The following ALX4 variants were observed in gnomAD, a reference collection of about 807,000 sequenced individuals.
ALX4 encodes homeobox protein aristaless-like 4.
ALX4 carries 22 observed loss-of-function variants against 40.6 expected under a neutral mutation model. That is an observed-to-expected ratio of 0.54 (90% confidence interval 0.39 to 0.77). The LOEUF (loss-of-function observed/expected upper bound fraction) is 0.77. Ranked by LOEUF, ALX4 falls within the 30% of genes least tolerant of loss-of-function variation. The pLI, the probability that ALX4 is intolerant of heterozygous loss-of-function variation, is 0.00. For synonymous variants in ALX4, 266 were observed against 240.5 expected (o/e 1.11, Z -0.98); for missense variants, 556 against 564.8 (o/e 0.98, Z 0.16).
chr11:44,298,419 G>A (rs1181519344), intron 1 of ALX4, among the ~76,000 whole-genome samples: 1 of 152,224 alleles, frequency 6.6e-6, no homozygotes, highest in African/African-American at 2.4e-5. Flanking sequence ...TCCCTTGCAG[G>A]TGAGTCTCAG....
chr11:44,264,045 C>T lies in ALX4; in HGVS notation c.*809G>A, dbSNP rs1395899572. ...GCCTCCCCCTCTCCCAGGACCTTTC[C>T]TTCTTCTAGCACCATGGGAGCCCTT... On this transcript the variant is annotated 3_prime_UTR_variant, in exon 4 of 4. Transcript: ENST00000652299. 8.2e-6 allele frequency: 1 copy of T among 122,388 alleles called. No homozygotes were observed. Among genetic ancestry groups the T allele is most frequent in the African/African-American group, 3.3e-5 (1 of 30,146 alleles). The allele number at this position is 122,388 out of a possible 1,614,324, so 7.6% of individuals were successfully genotyped here.
At chr11:44,307,906 G>A (rs990782541) in intron 1 of ALX4, among the ~76,000 whole-genome samples, 7 of 151,920 alleles carry the variant, frequency 4.6e-5, no homozygotes, top group African/African-American at 1.7e-4. Context: ...GTGTGGAGCT[G>A]TGGGTGTCTG....
chr11:44,273,530 G>A (rs1176649128), intron 2 of ALX4, among the ~76,000 whole-genome samples: 2 of 152,152 alleles, frequency 1.3e-5, no homozygotes, highest in African/African-American at 2.4e-5. Context: ...GATGCTCTGC[G>A]TTTGGCTTTC....
In ALX4 at chr11:44,310,114, C is replaced by G. The variant is rs1417903427; in HGVS notation, c.-52G>C. 6.6e-7 allele frequency: 1 copy of G among 1,524,594 alleles called. No homozygotes were observed. The highest frequency in any genetic ancestry group is 8.8e-7 in the Non-Finnish European group (1 of 1,133,076). The allele number at this position is 1,524,594 out of a possible 1,614,324, so 94.4% of individuals were successfully genotyped here. ...GGACGCGAGCGAGGGCGCGAGGACG[C>G]CACCGCGCGCCTTGGCTGGGAGTTT... On this transcript the variant is annotated 5_prime_UTR_variant, in exon 1 of 4. Coordinates refer to ENST00000652299, the MANE Select transcript of ALX4 (RefSeq NM_021926.4).
rs745862299 is a variant in ALX4 at position 44,275,524 on chromosome 11, G to A, written c.601C>T (p.Pro201Ser). 1 of 1,614,170 alleles carries A rather than the reference G, an allele frequency of 6.2e-7. No individual in the cohort carries two copies. Among genetic ancestry groups the A allele is most frequent in the South Asian group, 1.1e-5 (1 of 91,090 alleles). The change falls in exon 2 of 4, where the codon CCA becomes TCA. Residue 201 changes from proline (P) to serine (S), a missense_variant. Pro to Ser is a moderately conservative substitution (Grantham distance 74, BLOSUM62 -1). Transcript: ENST00000652299. Reference sequence around the variant, plus strand: ...CTCTCTGAGTCGGCCTTCTCCAATGGGCTGGGGAGGTCTGAGCTGGCCCGG... The same window carrying A: ...CTCTCTGAGTCGGCCTTCTCCAATGAGCTGGGGAGGTCTGAGCTGGCCCGG... ...QDRASSDLPS[P>S]LEKADSESNK...
At chr11:44,280,130 A>T (rs563105710) in intron 1 of ALX4, among the ~76,000 whole-genome samples, 3 of 152,328 alleles carry the variant, frequency 2.0e-5, no homozygotes, top group African/African-American at 7.2e-5. Flanking sequence ...GAATGCCACC[A>T]TTCAAGGCTG....
intron 1 of ALX4, among the ~76,000 whole-genome samples, chr11:44,281,353 T>C (rs963497844): frequency 6.6e-6 from 1 of 152,010 alleles, no homozygotes; most frequent in Non-Finnish European, 1.5e-5. Flanking sequence ...CCGTGGGCAG[T>C]TGTGTGTGGG....
intron 1 of ALX4, among the ~76,000 whole-genome samples, chr11:44,288,242 A>G (rs148568537): frequency 6.6e-6 from 1 of 152,276 alleles, no homozygotes; most frequent in East Asian, 1.9e-4. Context: ...ATATCAATAC[A>G]TACATAAACA....
chr11:44,292,576 A>G (rs1956376509), intron 1 of ALX4, among the ~76,000 whole-genome samples: 1 of 152,088 alleles, frequency 6.6e-6, no homozygotes, highest in South Asian at 2.1e-4. Flanking sequence ...AATGGGAAAG[A>G]TTCTTCAATA....
rs192229597 is a variant in ALX4 at position 44,299,320 on chromosome 11, T to A, written c.466+10277A>T. 1.9e-3 allele frequency among the ~76,000 whole-genome samples: 282 copies of A among 151,710 alleles called. 2 individuals are homozygous for A. Among genetic ancestry groups the A allele is most frequent in the Middle Eastern group, 6.8e-3 (2 of 292 alleles). ...CACTACTTGTCTTCTGCATCCCCGG[T>A]TGTGAAGCTGAGAAGAACGCTTTGG... On this transcript the variant is annotated intron_variant, in intron 1 of 3. Transcript: ENST00000652299.
chr11:44,295,984 G>T (rs1956400573), intron 1 of ALX4, among the ~76,000 whole-genome samples: 1 of 152,204 alleles, frequency 6.6e-6, no homozygotes, highest in South Asian at 2.1e-4. Context: ...GAAAACAAAT[G>T]TGTCCTTGAG....
chr11:44,309,872 G>A lies in ALX4; in HGVS notation c.191C>T (p.Ala64Val). 1.9e-6 allele frequency: 3 copies of A among 1,570,968 alleles called. No homozygotes were observed. Among genetic ancestry groups the A allele is most frequent in the Non-Finnish European group, 2.6e-6 (3 of 1,157,396 alleles). Residue 64 changes from alanine to valine, a missense_variant, in exon 1 of 4, where the codon GCC (alanine) becomes GTC (valine). Transcript: ENST00000652299. ...GTCCTGCTGCCCAGCGCCGTAACGG[G>A]CCCGGCTCTTGGCGTCCCCGAATCC... is the stretch of plus-strand genomic sequence containing the variant. ...AQGFGDAKSR[A>V]RYGAGQQDLA...
intron 1 of ALX4, among the ~76,000 whole-genome samples, chr11:44,285,926 T>A (rs1956336160): frequency 6.6e-6 from 1 of 152,112 alleles, no homozygotes; most frequent in Non-Finnish European, 1.5e-5. Flanking sequence ...CTGGGCCTCG[T>A]GTGAGTAAGG....
At chr11:44,303,400 T>C (rs933977805) in intron 1 of ALX4, among the ~76,000 whole-genome samples, 14 of 152,034 alleles carry the variant, frequency 9.2e-5, no homozygotes, top group African/African-American at 3.4e-4. Flanking sequence ...AGATAGGTAC[T>C]TGGCAGCCGG....
chr11:44,287,660 A>C (rs1481200576), intron 1 of ALX4, among the ~76,000 whole-genome samples: 1 of 151,910 alleles, frequency 6.6e-6, no homozygotes, highest in African/African-American at 2.4e-5. Flanking sequence ...TGAGACTTGA[A>C]TCTCATGCCT....
chr11:44,276,387 T>C, intron 1 of ALX4, among the ~76,000 whole-genome samples: 1 of 152,222 alleles, frequency 6.6e-6, no homozygotes, highest in Non-Finnish European at 1.5e-5. Context: ...CCGGGCACCT[T>C]CATCCCCAGC....
intron 1 of ALX4, among the ~76,000 whole-genome samples, chr11:44,302,249 A>C (rs1051955501): frequency 6.6e-6 from 1 of 151,790 alleles, no homozygotes; most frequent in Non-Finnish European, 1.5e-5. Flanking sequence ...GAGGACAGAC[A>C]TGCCTTTCAC....
Position 44,264,926 on chromosome 11 carries a change from G to C in ALX4, c.1164C>G (p.Arg388=). Residue 388 remains arginine, a synonymous_variant, in exon 4 of 4, where the codon CGC becomes CGG. Coordinates refer to ENST00000652299, the MANE Select transcript of ALX4 (RefSeq NM_021926.4). The part of the protein sequence containing the change: ...NGYELNGEPD[R]KTSSIAALRM... Reference sequence around the variant, plus strand: ...GGAGGGCCGCGATGCTCGAGGTCTTGCGGTCCGGCTCGCCGTTGAGCTCGT... The same window carrying C: ...GGAGGGCCGCGATGCTCGAGGTCTTCCGGTCCGGCTCGCCGTTGAGCTCGT... 6.2e-7 allele frequency: 1 copy of C among 1,613,064 alleles called. No homozygotes were observed. The highest frequency in any genetic ancestry group is 8.5e-7 in the Non-Finnish European group (1 of 1,179,946).
chr11:44,264,891 G>C lies in ALX4; in HGVS notation c.1199C>G (p.Ala400Gly). The C allele has an allele frequency of 6.2e-7, 1 of 1,613,030 alleles. No individual in the cohort carries two copies. The highest frequency in any genetic ancestry group is 8.5e-7 in the Non-Finnish European group (1 of 1,179,920). ...GGAAATGGCCGCACTGTGCTCCTTG[G>C]CCTTCATGCGGAGGGCCGCGATGCT... ...TSSIAALRMK[A>G]KEHSAAISWA... Residue 400 changes from alanine (A) to glycine (G), a missense_variant, in exon 4 of 4, where the codon GCC becomes GGC. Coordinates refer to ENST00000652299, the MANE Select transcript of ALX4 (RefSeq NM_021926.4).
Sources: gnomAD v4.1 joint callset for allele counts (sites outside exome capture counted in the v4.1 genomes callset) on GRCh38, gnomAD v4.1.1 for gene constraint, MANE v1.5 for transcripts, NCBI Gene and HGNC (gene_info 2026-07-23, HGNC 2026-07-21) for gene names.